FERMT2: variants seen among roughly 807,000 people sequenced by gnomAD.
FERMT2 encodes FERM domain containing kindlin 2.
FERMT2 carries 15 observed loss-of-function variants against 82.7 expected under a neutral mutation model. The observed-to-expected ratio is 0.18, with a 90% CI of 0.12 to 0.28. The LOEUF (loss-of-function observed/expected upper bound fraction) is 0.28, where lower values mean the gene tolerates loss of function less well. FERMT2 is among the 10% of genes least tolerant of loss of function. The pLI, the probability that FERMT2 is intolerant of heterozygous loss-of-function variation, is 1.00. For missense variants in FERMT2, 645 were observed against 809.4 expected (o/e 0.80, Z 2.46); for synonymous variants, 274 against 271.5 (o/e 1.01, Z -0.09).
chr14:52,944,332 T>C (rs1172603726), intron 2 of FERMT2, among the ~76,000 whole-genome samples: 2 of 152,214 alleles, frequency 1.3e-5, no homozygotes, highest in African/African-American at 2.4e-5. Flanking sequence ...ATGAATGCAA[T>C]GAGGATGCAT....
Position 52,860,477 on chromosome 14 carries a change from T to G in FERMT2, c.1603-12A>C. 5.0e-6 allele frequency: 8 copies of G among 1,606,952 alleles called. No individual in the cohort carries two copies. The highest frequency in any genetic ancestry group is 6.8e-6 in the Non-Finnish European group (8 of 1,176,538). ...ATTCTCGCTGTTATCTAAACATGAGTAAACATCACCTTTACCATTGAACAT... is the reference window on the plus strand; with the variant it reads ...ATTCTCGCTGTTATCTAAACATGAGGAAACATCACCTTTACCATTGAACAT... On this transcript the variant is annotated splice_polypyrimidine_tract_variant and intron_variant, in intron 12 of 14. Coordinates refer to ENST00000341590, the MANE Select transcript of FERMT2 (RefSeq NM_006832.3).
rs1886291598 is a variant in FERMT2, at chr14:52,881,444, C to T, written c.552G>A (p.Leu184=). 3 of 1,612,920 alleles carry T rather than the reference C, an allele frequency of 1.9e-6. No homozygotes were observed. The highest frequency in any genetic ancestry group is 2.5e-6 in the Non-Finnish European group (3 of 1,179,022). Residue 184 remains leucine (L), a synonymous_variant, in exon 5 of 15, where the codon CTG becomes CTA. Coordinates refer to ENST00000341590, the MANE Select transcript of FERMT2 (RefSeq NM_006832.3). ...GSGSIYSSPG[L]YSKTMTPTYD... is the part of the protein sequence containing the mutation. Reference sequence around the variant, plus strand: ...AAGTGGGGGTCATTGTTTTACTATACAGTCCTGGGCTTGAATATATACTTC... The same window carrying T: ...AAGTGGGGGTCATTGTTTTACTATATAGTCCTGGGCTTGAATATATACTTC...
intron 2 of FERMT2, among the ~76,000 whole-genome samples, chr14:52,940,304 C>A (rs1890033865): frequency 6.6e-6 from 1 of 152,174 alleles, no homozygotes; most frequent in Non-Finnish European, 1.5e-5. Flanking sequence ...AAATTTTAAT[C>A]ATTTACTGCT....
At chr14:52,925,249 G>A (rs942496719) in intron 2 of FERMT2, among the ~76,000 whole-genome samples, 4 of 152,062 alleles carry the variant, frequency 2.6e-5, no homozygotes, top group Admixed American at 6.5e-5. Flanking sequence ...AAAACTAACT[G>A]CACATCAAAA....
chr14:52,886,251 T>A (rs1185495775), intron 4 of FERMT2, among the ~76,000 whole-genome samples: 2 of 151,894 alleles, frequency 1.3e-5, no homozygotes, highest in African/African-American at 2.4e-5. Context: ...GATGGAAGTA[T>A]AAACCACAGA....
At position 52,864,378 on chromosome 14, in the gene FERMT2, A is replaced by C. The variant is rs767088052; in HGVS notation, c.1602+23T>G. The stretch of plus-strand genomic sequence containing the variant: ...TTATAAAAACAAACCAGCACAGTAG[A>C]TGAAGTAAAATGAAGTAAGTACCTG... On this transcript the variant is annotated intron_variant, in intron 12 of 14. Transcript: ENST00000341590. 3.9e-5 allele frequency: 60 copies of C among 1,535,100 alleles called. 2 individuals carry two copies. In the Middle Eastern group the frequency reaches 1.2e-3, roughly 30 times the overall value.
rs370861034 is a variant in FERMT2 at position 52,877,268 on chromosome 14, A to C, written c.963+1314T>G. The stretch of plus-strand genomic sequence containing the variant: ...TCACACATATTTTACAGGTATTATT[A>C]TTCTATCATTGGCAAAACCTCCACT... On this transcript the variant is annotated intron_variant, in intron 7 of 14. Transcript: ENST00000341590. Among the ~76,000 whole-genome samples the C allele has an allele frequency of 4.6e-5, 7 of 152,318 alleles. No individual in the cohort carries two copies. In the East Asian group the frequency reaches 1.2e-3, roughly 25 times the overall value.
intron 2 of FERMT2, among the ~76,000 whole-genome samples, chr14:52,947,318 A>C (rs1414611712): frequency 6.6e-6 from 1 of 152,092 alleles, no homozygotes; most frequent in Non-Finnish European, 1.5e-5. Flanking sequence ...TCTCTACTAA[A>C]AACACAAATA....
At chr14:52,867,444 T>C (rs149811028) in intron 10 of FERMT2, among the ~76,000 whole-genome samples, 3 of 152,214 alleles carry the variant, frequency 2.0e-5, no homozygotes, top group Non-Finnish European at 2.9e-5. Flanking sequence ...GCTTTCATCA[T>C]ACTTCACTGC....
At chr14:52,865,006 T>C (rs769771441) in intron 10 of FERMT2, among the ~76,000 whole-genome samples, 153 bp from the exon 11 acceptor site, 1 of 152,150 alleles carries the variant, frequency 6.6e-6, no homozygotes, top group South Asian at 2.1e-4. Context: ...CATACACATA[T>C]ACTTGGGAAG....
intron 6 of FERMT2, among the ~76,000 whole-genome samples, chr14:52,879,054 G>A (rs886967461): frequency 9.2e-5 from 14 of 152,080 alleles, no homozygotes; most frequent in African/African-American, 2.2e-4. Flanking sequence ...CGGAACTACC[G>A]ATTATTTTTC....
At chr14:52,901,031 C>A (rs769908268) in intron 3 of FERMT2, among the ~76,000 whole-genome samples, 1 of 139,214 alleles carries the variant, frequency 7.2e-6, no homozygotes, top group Non-Finnish European at 1.5e-5. Context: ...GAGGCCGAGG[C>A]GGGCGGATCA....
intron 2 of FERMT2, among the ~76,000 whole-genome samples, chr14:52,949,001 C>T (rs2139720828): frequency 6.6e-6 from 1 of 152,222 alleles, no homozygotes; most frequent in African/African-American, 2.4e-5. Flanking sequence ...ATTTTGCAAA[C>T]AGTGACTGAT....
At chr14:52,918,617 C>A (rs1244668749) in intron 3 of FERMT2, among the ~76,000 whole-genome samples, 1 of 152,172 alleles carries the variant, frequency 6.6e-6, no homozygotes, top group African/African-American at 2.4e-5. Flanking sequence ...TGTCATATGA[C>A]ATAACTGGGT....
At chr14:52,906,398 GCCTCTGGTCTAT>G (rs1888014374) in intron 3 of FERMT2, among the ~76,000 whole-genome samples, 1 of 152,198 alleles carries the variant, frequency 6.6e-6, no homozygotes, top group Non-Finnish European at 1.5e-5. Flanking sequence ...GGCTAATGTT[GCCTCTGGTCTAT>G]CCTAATAAAG....
chr14:52,864,346 T>C, intron 12 of FERMT2, 55 bp downstream of exon 12: 1 of 1,344,168 alleles, frequency 7.4e-7, no homozygotes, highest in Middle Eastern at 1.8e-4. Context: ...CAAAGTTATG[T>C]ACAAAATTAT....
intron 2 of FERMT2, among the ~76,000 whole-genome samples, chr14:52,925,988 C>T (rs993850976): frequency 2.6e-5 from 4 of 152,150 alleles, no homozygotes; most frequent in Non-Finnish European, 5.9e-5. Context: ...TAGTGTATTA[C>T]AGCACAGCTT....
intron 2 of FERMT2, among the ~76,000 whole-genome samples, chr14:52,937,611 G>A (rs923634388): frequency 3.3e-5 from 5 of 152,158 alleles, no homozygotes; most frequent in African/African-American, 1.2e-4. Context: ...CTAGCAAGCT[G>A]CTCATATTGA....
At chr14:52,880,597 C>G (rs1331027512) in intron 6 of FERMT2, among the ~76,000 whole-genome samples, 1 of 152,080 alleles carries the variant, frequency 6.6e-6, no homozygotes, top group African/African-American at 2.4e-5. Flanking sequence ...CGGGGTTTCA[C>G]CATGTTGGCC....
Sources: gnomAD v4.1 joint callset for allele counts (sites outside exome capture counted in the v4.1 genomes callset) on GRCh38, gnomAD v4.1.1 for gene constraint, MANE v1.5 for transcripts, NCBI Gene and HGNC (gene_info 2026-07-23, HGNC 2026-07-21) for gene names.